The following SLC10A7 variants were observed in gnomAD, a reference collection of about 807,000 sequenced individuals.
SLC10A7 encodes the protein sodium/bile acid cotransporter 7.
A neutral mutation model predicts 43.2 loss-of-function variants in SLC10A7; 29 were observed. That is an observed-to-expected ratio of 0.67 (90% CI 0.50 to 0.92). SLC10A7 has a LOEUF of 0.92. SLC10A7 is among the 40% of genes least tolerant of loss of function. The pLI, the probability that SLC10A7 is intolerant of heterozygous loss-of-function variation, is 0.00. For missense variants in SLC10A7, 295 were observed against 403.2 expected, an observed-to-expected ratio of 0.73 and a Z score of 2.30; for synonymous variants, 152 against 144.8, an observed-to-expected ratio of 1.05 and a Z score of -0.35.
intron 2 of SLC10A7, among the ~76,000 whole-genome samples, chr4:146,516,322 T>G (rs1479749066): frequency 6.6e-6 from 1 of 151,864 alleles, no homozygotes; most frequent in Non-Finnish European, 1.5e-5. Context: ...TGTCTGGATT[T>G]CTTTACTTCC....
chr4:146,379,949 CT>C lies in SLC10A7; in HGVS notation c.436-53954del, dbSNP rs1190955481. Among the ~76,000 whole-genome samples, 80 of 150,768 alleles carry C rather than the reference CT, an allele frequency of 5.3e-4. No individual in the cohort carries two copies. In the East Asian group the frequency reaches 9.4e-3, roughly 18 times the overall value. On this transcript the variant is annotated intron_variant, in intron 5 of 11. Coordinates refer to ENST00000335472, the MANE Select transcript of SLC10A7 (RefSeq NM_001029998.6). ...TTGACAAATAATTCTCTCTCTCTCT[CT>C]CTCTCTCTCTGTGTGTGTGTGTGTG...
intron 4 of SLC10A7, among the ~76,000 whole-genome samples, chr4:146,497,044 C>T (rs544303084): frequency 8.6e-4 from 131 of 152,226 alleles, no homozygotes; most frequent in African/African-American, 3.1e-3. Flanking sequence ...TTTATAGCTA[C>T]GATAGGTTTC....
intron 4 of SLC10A7, among the ~76,000 whole-genome samples, chr4:146,489,381 C>A (rs1222048947): frequency 6.6e-6 from 1 of 152,158 alleles, no homozygotes; most frequent in East Asian, 1.9e-4. Flanking sequence ...GCTCTGTAAG[C>A]CTAGACAAAT....
chr4:146,331,079 C>A (rs1451778718), intron 5 of SLC10A7, among the ~76,000 whole-genome samples: 1 of 152,106 alleles, frequency 6.6e-6, no homozygotes, highest in East Asian at 1.9e-4. Context: ...TTAGACCCTA[C>A]AGTAAGTTTT....
intron 9 of SLC10A7, among the ~76,000 whole-genome samples, chr4:146,289,963 C>G (rs1162317325): frequency 4.7e-5 from 7 of 149,344 alleles, no homozygotes; most frequent in Non-Finnish European, 8.9e-5. Context: ...ATCCACCCAC[C>G]TTGGCCTCCC....
chr4:146,448,754 G>A (rs1285318708), intron 4 of SLC10A7, among the ~76,000 whole-genome samples: 1 of 152,152 alleles, frequency 6.6e-6, no homozygotes, highest in Non-Finnish European at 1.5e-5. Context: ...TCAAGCCTAG[G>A]AGAATACCCT....
intron 5 of SLC10A7, among the ~76,000 whole-genome samples, chr4:146,385,196 G>C (rs1365898686): frequency 6.6e-6 from 1 of 152,034 alleles, no homozygotes; most frequent in Non-Finnish European, 1.5e-5. Context: ...TCTTTTGTTA[G>C]ATAATATTGG....
At chr4:146,487,060 G>C (rs1321974790) in intron 4 of SLC10A7, among the ~76,000 whole-genome samples, 1 of 152,174 alleles carries the variant, frequency 6.6e-6, no homozygotes, top group African/African-American at 2.4e-5. Flanking sequence ...CCATTGACCA[G>C]GTCCCCAGAA....
chr4:146,425,357 A>G (rs1310993610), intron 5 of SLC10A7, among the ~76,000 whole-genome samples: 1 of 152,252 alleles, frequency 6.6e-6, no homozygotes, highest in East Asian at 1.9e-4. Flanking sequence ...GCTCTCCAGT[A>G]GAGCAATGAT....
chr4:146,394,524 G>A (rs755030427), intron 5 of SLC10A7, among the ~76,000 whole-genome samples: 32 of 151,806 alleles, frequency 2.1e-4, no homozygotes, highest in Admixed American at 2.0e-4. Flanking sequence ...CATTACACCC[G>A]GCTAATTTTT....
intron 5 of SLC10A7, among the ~76,000 whole-genome samples, chr4:146,420,988 C>T (rs1728923770): frequency 1.3e-5 from 2 of 152,060 alleles, no homozygotes; most frequent in Non-Finnish European, 2.9e-5. Context: ...AATTGCACCA[C>T]TGTACTCCAG....
chr4:146,509,307 T>C (rs1392701703), intron 3 of SLC10A7, among the ~76,000 whole-genome samples: 1 of 152,218 alleles, frequency 6.6e-6, no homozygotes, highest in East Asian at 1.9e-4. Flanking sequence ...TCAATGAATA[T>C]GCAATTTCAA....
chr4:146,293,032 A>G, intron 8 of SLC10A7, 52 bp from the exon 9 acceptor site: 2 of 1,186,306 alleles, frequency 1.7e-6, no homozygotes, highest in South Asian at 1.4e-5. Flanking sequence ...CAGTATTTGT[A>G]GCATACTTAT....
At chr4:146,289,550 A>T (rs1013369381) in intron 9 of SLC10A7, among the ~76,000 whole-genome samples, 2 of 151,422 alleles carry the variant, frequency 1.3e-5, no homozygotes, top group African/African-American at 4.9e-5. Flanking sequence ...ATTTTTTTTT[A>T]AATTTGCAGT....
chr4:146,372,320 G>A (rs530516867), intron 5 of SLC10A7, among the ~76,000 whole-genome samples: 2 of 151,966 alleles, frequency 1.3e-5, no homozygotes, highest in Admixed American at 6.6e-5. Context: ...TGGACATGGT[G>A]GCATACACCT....
At chr4:146,337,778 G>C (rs1178692126) in intron 5 of SLC10A7, among the ~76,000 whole-genome samples, 3 of 151,888 alleles carry the variant, frequency 2.0e-5, no homozygotes, top group Admixed American at 6.6e-5. Context: ...ACAAAGTTGA[G>C]AGATCAGGAG....
intron 4 of SLC10A7, among the ~76,000 whole-genome samples, chr4:146,470,227 T>C (rs1421298949): frequency 1.3e-5 from 2 of 152,156 alleles, no homozygotes; most frequent in Non-Finnish European, 2.9e-5. Flanking sequence ...TTCAAAGTCT[T>C]AAGAACTATT....
intron 5 of SLC10A7, among the ~76,000 whole-genome samples, chr4:146,364,308 G>C (rs1045201947): frequency 6.6e-6 from 1 of 151,988 alleles, no homozygotes; most frequent in African/African-American, 2.4e-5. Flanking sequence ...TAAAAAACCT[G>C]AATAGACCAA....
At chr4:146,347,904 T>C (rs1734737873) in intron 5 of SLC10A7, among the ~76,000 whole-genome samples, 1 of 152,018 alleles carries the variant, frequency 6.6e-6, no homozygotes, top group African/African-American at 2.4e-5. Flanking sequence ...ATATGAGTAA[T>C]CCTCAATACA....
Sources: gnomAD v4.1 joint callset for allele counts (sites outside exome capture counted in the v4.1 genomes callset) on GRCh38, gnomAD v4.1.1 for gene constraint, MANE v1.5 for transcripts, NCBI Gene and HGNC (gene_info 2026-07-23, HGNC 2026-07-21) for gene names.